The following GRM7 variants were observed in gnomAD, a reference collection of about 807,000 sequenced individuals.
GRM7 encodes glutamate metabotropic receptor 7.
GRM7 carries 35 observed loss-of-function variants against 84.5 expected under a neutral mutation model. That is an observed-to-expected ratio of 0.41 (90% CI 0.32 to 0.55). The LOEUF (loss-of-function observed/expected upper bound fraction) is 0.55, where lower values mean the gene tolerates loss of function less well. Ranked by LOEUF, GRM7 falls within the 20% of genes least tolerant of loss-of-function variation. GRM7 has a pLI of 0.19. For missense variants in GRM7, 1,003 were observed against 1,194.6 expected, an observed-to-expected ratio of 0.84 and a Z score of 2.36; for synonymous variants, 487 against 455.1, an observed-to-expected ratio of 1.07 and a Z score of -0.89.
intron 1 of GRM7, among the ~76,000 whole-genome samples, chr3:7,048,195 T>A (rs1212593925): frequency 6.6e-6 from 1 of 152,050 alleles, no homozygotes; most frequent in Non-Finnish European, 1.5e-5. Context: ...ACAGATTGTA[T>A]TCAAAATTTT....
chr3:6,930,190 G>T (rs182363613), intron 1 of GRM7, among the ~76,000 whole-genome samples: 1 of 152,260 alleles, frequency 6.6e-6, no homozygotes, highest in African/African-American at 2.4e-5. Flanking sequence ...AATAGGGTCA[G>T]TCCTTGCTGG....
intron 2 of GRM7, among the ~76,000 whole-genome samples, chr3:7,204,293 G>C (rs1696161681): frequency 6.6e-6 from 1 of 152,102 alleles, no homozygotes; most frequent in South Asian, 2.1e-4. Flanking sequence ...CTCTTTCAGT[G>C]GTTCTCTCTT....
chr3:7,333,684 G>C (rs1701296837), intron 4 of GRM7, among the ~76,000 whole-genome samples: 1 of 139,184 alleles, frequency 7.2e-6, no homozygotes, highest in Admixed American at 7.3e-5. Context: ...ACCAGAGCAA[G>C]TTGAAAACCA....
At chr3:7,730,019 C>T (rs549090328) in intron 9 of GRM7, among the ~76,000 whole-genome samples, 8 of 149,840 alleles carry the variant, frequency 5.3e-5, no homozygotes, top group South Asian at 2.1e-4. Flanking sequence ...GGATTGCAGG[C>T]GCCCACCATC....
At chr3:7,099,114 CAATGATTGAATG>C (rs1303742027) in intron 1 of GRM7, among the ~76,000 whole-genome samples, 1 of 151,112 alleles carries the variant, frequency 6.6e-6, no homozygotes, top group African/African-American at 2.4e-5. Context: ...ATGATTGAAT[CAATGATTGAATG>C]AATGCACAAG....
At chr3:7,014,266 G>C (rs892601615) in intron 1 of GRM7, among the ~76,000 whole-genome samples, 4 of 152,152 alleles carry the variant, frequency 2.6e-5, no homozygotes, top group African/African-American at 9.7e-5. Flanking sequence ...GCCAGGGAGG[G>C]AGTAGGCAAA....
At chr3:6,936,133 C>T (rs896409477) in intron 1 of GRM7, among the ~76,000 whole-genome samples, 7 of 152,152 alleles carry the variant, frequency 4.6e-5, no homozygotes, top group Non-Finnish European at 1.0e-4. Context: ...CTCCAGCATT[C>T]AAGGTTCCTC....
At chr3:7,018,922 C>A (rs1180926335) in intron 1 of GRM7, among the ~76,000 whole-genome samples, 1 of 152,072 alleles carries the variant, frequency 6.6e-6, no homozygotes, top group Non-Finnish European at 1.5e-5. Context: ...CATGGTGAAA[C>A]CCCATCTCTA....
chr3:7,446,075 T>A (rs1436538870), intron 5 of GRM7, among the ~76,000 whole-genome samples: 1 of 152,194 alleles, frequency 6.6e-6, no homozygotes, highest in Non-Finnish European at 1.5e-5. Context: ...CAAACATCAA[T>A]ATTTAAGTTA....
At chr3:7,339,483 C>T (rs1444567389) in intron 4 of GRM7, among the ~76,000 whole-genome samples, 2 of 152,130 alleles carry the variant, frequency 1.3e-5, no homozygotes, top group African/African-American at 4.8e-5. Flanking sequence ...GAATCTATAA[C>T]ACTCCCTGTG....
intron 1 of GRM7, among the ~76,000 whole-genome samples, chr3:7,099,233 TACATGTATATATGAATACATGTATTA>T (rs1698967037): frequency 8.9e-6 from 1 of 112,776 alleles, no homozygotes; most frequent in Admixed American, 8.3e-5. Context: ...ACATGTATTA[TACATGTATATATGAATACATGTATTA>T]TACATGTATA....
At position 6,873,349 on chromosome 3, in the gene GRM7, G is replaced by A. The variant is rs558464031; in HGVS notation, c.519+11442G>A. On this transcript the variant is annotated intron_variant, in intron 1 of 9. Coordinates refer to ENST00000357716, the MANE Select transcript of GRM7 (RefSeq NM_000844.4). The stretch of plus-strand genomic sequence containing the variant: ...TGGCCTCCCAAAGTGTTGGGATTAC[G>A]GGCGTGAGCCACCTTGGCCAGCCAG... Among the ~76,000 whole-genome samples, 150 of 152,226 alleles carry A rather than the reference G, an allele frequency of 9.9e-4. 1 individual carries two copies. Among genetic ancestry groups the A allele is most frequent in the African/African-American group, 3.4e-3 (140 of 41,530 alleles).
intron 4 of GRM7, among the ~76,000 whole-genome samples, chr3:7,347,973 A>G (rs1692966125): frequency 6.6e-6 from 1 of 152,164 alleles, no homozygotes; most frequent in African/African-American, 2.4e-5. Flanking sequence ...TCATTATTAT[A>G]CTAACTCTGA....
At chr3:7,256,940 G>T (rs1023128206) in intron 2 of GRM7, among the ~76,000 whole-genome samples, 2 of 152,218 alleles carry the variant, frequency 1.3e-5, no homozygotes, top group African/African-American at 4.8e-5. Context: ...GGTCTCGAAA[G>T]ATTACTAGAA....
At chr3:7,457,598 T>C (rs1388003404) in intron 6 of GRM7, among the ~76,000 whole-genome samples, 13 of 152,154 alleles carry the variant, frequency 8.5e-5, no homozygotes. Flanking sequence ...TCTCACATGC[T>C]TTTTTTGCAA....
intron 1 of GRM7, among the ~76,000 whole-genome samples, chr3:7,131,314 C>T (rs1012200439): frequency 1.4e-4 from 21 of 152,062 alleles, no homozygotes; most frequent in African/African-American, 4.6e-4. Flanking sequence ...AATGACACTT[C>T]GTCTACTTGA....
chr3:7,190,257 G>T (rs573733105), intron 2 of GRM7, among the ~76,000 whole-genome samples: 1 of 152,110 alleles, frequency 6.6e-6, no homozygotes, highest in African/African-American at 2.4e-5. Flanking sequence ...ATCAGAGTAA[G>T]GCAGGCATTT....
intron 8 of GRM7, among the ~76,000 whole-genome samples, chr3:7,678,253 A>C (rs1423945161): frequency 6.6e-6 from 1 of 152,242 alleles, no homozygotes; most frequent in Non-Finnish European, 1.5e-5. Context: ...CACACATACA[A>C]ATATACATAA....
intron 7 of GRM7, among the ~76,000 whole-genome samples, chr3:7,494,020 C>T (rs1246441758): frequency 6.6e-6 from 1 of 152,040 alleles, no homozygotes; most frequent in African/African-American, 2.4e-5. Context: ...TCTCAGTCAT[C>T]AAATGTGATT....
Sources: allele counts gnomAD v4.1 joint callset (sites outside exome capture counted in the v4.1 genomes callset), GRCh38; gene constraint gnomAD v4.1.1; transcripts MANE v1.5; gene names NCBI Gene and HGNC (gene_info 2026-07-23, HGNC 2026-07-21).